Variants in NTN4 observed in about 807,000 individuals in gnomAD.
NTN4 encodes netrin 4, also known as netrin-4.
Under a neutral mutation model 73.6 loss-of-function variants are expected in NTN4, and 32 were observed. The observed-to-expected ratio is 0.44, with a 90% CI of 0.33 to 0.58. The LOEUF (loss-of-function observed/expected upper bound fraction) is 0.58. Among genes scored for constraint, NTN4 ranks in the 20% least tolerant of loss-of-function variants. The probability of loss-of-function intolerance (pLI) is 0.04; values close to 1 mark genes in which losing one functional copy is unlikely to be tolerated. For synonymous variants in NTN4, 258 were observed against 287.5 expected (o/e 0.90, Z 1.04); for missense variants, 654 against 798.3 (o/e 0.82, Z 2.18).
At chr12:95,773,715 ACCCAT>A (rs2079073147) in intron 2 of NTN4, among the ~76,000 whole-genome samples, 1 of 149,710 alleles carries the variant, frequency 6.7e-6, no homozygotes, top group East Asian at 2.0e-4. Flanking sequence ...TCCCCATAGC[ACCCAT>A]CTCTGCTTTA....
intron 9 of NTN4, among the ~76,000 whole-genome samples, chr12:95,662,088 A>G (rs376838553): frequency 1.7e-4 from 26 of 152,156 alleles, no homozygotes; most frequent in East Asian, 1.3e-3. Context: ...TAATACATAC[A>G]CACAGAGGAA....
intron 5 of NTN4, among the ~76,000 whole-genome samples, chr12:95,702,198 T>G (rs1284988708): frequency 6.6e-6 from 1 of 150,796 alleles, no homozygotes; most frequent in Non-Finnish European, 1.5e-5. Flanking sequence ...GAGAATCATT[T>G]GAACCTAAGA....
intron 7 of NTN4, among the ~76,000 whole-genome samples, chr12:95,674,908 G>C (rs1252676666): frequency 1.3e-5 from 2 of 152,186 alleles, no homozygotes; most frequent in Non-Finnish European, 2.9e-5. Context: ...TATGTGCTTG[G>C]CTGGAATGCT....
intron 2 of NTN4, among the ~76,000 whole-genome samples, chr12:95,767,181 C>G (rs2079026210): frequency 6.6e-6 from 1 of 152,110 alleles, no homozygotes; most frequent in Non-Finnish European, 1.5e-5. Context: ...CCACACCACC[C>G]TCTCCAACCA....
chr12:95,726,486 A>G (rs2078694817), intron 3 of NTN4, among the ~76,000 whole-genome samples: 1 of 152,236 alleles, frequency 6.6e-6, no homozygotes, highest in African/African-American at 2.4e-5. Flanking sequence ...TCCATTGTAT[A>G]GACATACCAT....
intron 3 of NTN4, among the ~76,000 whole-genome samples, chr12:95,732,320 G>A (rs995786273): frequency 8.9e-5 from 12 of 134,702 alleles, no homozygotes; most frequent in Non-Finnish European, 1.7e-4. Context: ...TAACTTTATC[G>A]TTTTTAAAAT....
chr12:95,718,038 G>A (rs960510692), intron 3 of NTN4, among the ~76,000 whole-genome samples: 3 of 152,288 alleles, frequency 2.0e-5, no homozygotes, highest in South Asian at 2.1e-4. Flanking sequence ...CTTACAGGAA[G>A]GGACTCATAC....
rs397969115 is a variant in NTN4 at position 95,761,326 on chromosome 12, CT to C, written c.586-23183del. 5.3e-3 allele frequency among the ~76,000 whole-genome samples: 704 copies of C among 133,126 alleles called. 8 individuals are homozygous for C. The highest frequency in any genetic ancestry group is 0.015 in the African/African-American group (530 of 36,170). The allele number at this position is 133,126 out of a possible 152,430, so 87.3% of individuals were successfully genotyped here. A position where few individuals can be genotyped will look rare whatever the true frequency, so the allele number is the denominator to read the frequency against. ...CCCGAGGCAGGACAAAAGAGATATT[CT>C]TTTTTTTTTTTTTCCCCAAGACGGA... On this transcript the variant is annotated intron_variant, in intron 2 of 9. Coordinates refer to ENST00000343702, the MANE Select transcript of NTN4 (RefSeq NM_021229.4).
chr12:95,756,364 G>A (rs771288027), intron 2 of NTN4, among the ~76,000 whole-genome samples: 4 of 152,162 alleles, frequency 2.6e-5, no homozygotes, highest in African/African-American at 7.2e-5. Flanking sequence ...TGTAGTGAAC[G>A]TTTTCTTCAA....
intron 2 of NTN4, among the ~76,000 whole-genome samples, chr12:95,740,258 G>A (rs1050605365): frequency 4.6e-5 from 7 of 152,176 alleles, no homozygotes; most frequent in Non-Finnish European, 7.3e-5. Context: ...CTGGCAGGTC[G>A]CCCTTTGGGT....
chr12:95,729,632 A>AGAGT (rs1555218229), intron 3 of NTN4, among the ~76,000 whole-genome samples: 482 of 124,150 alleles, frequency 3.9e-3, no homozygotes, highest in East Asian at 0.011. Context: ...AGAGAGAGAG[A>AGAGT]GTGTGTGTGT....
intron 3 of NTN4, among the ~76,000 whole-genome samples, chr12:95,736,806 T>C (rs1277957654): frequency 6.6e-6 from 1 of 152,220 alleles, no homozygotes; most frequent in Non-Finnish European, 1.5e-5. Flanking sequence ...GTCATTTTAG[T>C]TACCCTGATG....
intron 2 of NTN4, 115 bp from the exon 3 acceptor site, chr12:95,738,259 T>C: frequency 9.7e-7 from 1 of 1,031,016 alleles, no homozygotes; most frequent in Non-Finnish European, 1.4e-6. Flanking sequence ...AACGATAAGA[T>C]AACAAGAAGT....
chr12:95,659,259 T>C (rs778313568), intron 9 of NTN4, 37 bp from the exon 10 acceptor site: 2 of 1,536,530 alleles, frequency 1.3e-6, no homozygotes, highest in Admixed American at 4.1e-5. Flanking sequence ...TACAGTATCA[T>C]ACTTTGTTGA....
At chr12:95,790,915 T>A, upstream of NTN4, among the ~76,000 whole-genome samples, 1 of 116,214 alleles carries the variant, frequency 8.6e-6, no homozygotes, top group South Asian at 3.7e-4. The surrounding 1 kb of genome is among the most constrained non-coding windows in gnomAD (Gnocchi z 6.5). Context: ...GGATCGCCGC[T>A]GCCGCTGCCG....
rs371442090 is a variant in NTN4 at position 95,682,698 on chromosome 12, C to T, written c.1510+9G>A. The T allele has an allele frequency of 7.6e-6, 12 of 1,579,738 alleles. No homozygotes were observed. The African/African-American group carries it at 1.6e-4, about 21-fold the overall frequency. On this transcript the variant is annotated intron_variant, in intron 7 of 9. Transcript: ENST00000343702. ...CTGAAAATATGATGCCTGGTTACAT[C>T]CATCTCACCTGAGTGTAGAAGTGCA...
chr12:95,702,308 G>GAAAAAAAAAAAAAAAAAAAAAAAA (rs558357623), intron 5 of NTN4, among the ~76,000 whole-genome samples: 1 of 118,486 alleles, frequency 8.4e-6, no homozygotes, highest in Non-Finnish European at 1.8e-5. Context: ...CAAAAAAAAA[G>GAAAAAAAAAAAAAAAAAAAAAAAA]AAAAAAAAAA....
intron 5 of NTN4, among the ~76,000 whole-genome samples, chr12:95,685,570 A>G (rs1357647491): frequency 2.0e-5 from 3 of 152,236 alleles, no homozygotes; most frequent in Admixed American, 6.5e-5. Context: ...TGAAGAAGCC[A>G]GTTCTTCATG....
chr12:95,743,722 T>C (rs2078842356), intron 2 of NTN4, among the ~76,000 whole-genome samples: 1 of 152,234 alleles, frequency 6.6e-6, no homozygotes, highest in South Asian at 2.1e-4. Flanking sequence ...ATGAATCCTT[T>C]TACATTTATC....
Sources: allele counts gnomAD v4.1 joint callset (sites outside exome capture counted in the v4.1 genomes callset), GRCh38; gene constraint gnomAD v4.1.1; non-coding constraint Gnocchi (gnomAD v3.1); transcripts MANE v1.5; gene names NCBI Gene and HGNC (gene_info 2026-07-23, HGNC 2026-07-21).